The following NAALADL2 variants were observed in gnomAD, a reference collection of about 807,000 sequenced individuals.
NAALADL2 encodes N-acetylated alpha-linked acidic dipeptidase like 2, also known as inactive N-acetylated-alpha-linked acidic dipeptidase-like protein 2.
Under a neutral mutation model 87.2 loss-of-function variants are expected in NAALADL2, and 76 were observed. That is an observed-to-expected ratio of 0.87 (90% CI 0.72 to 1.05). The LOEUF (loss-of-function observed/expected upper bound fraction) is 1.05. NAALADL2 is among the 50% of genes least tolerant of loss of function. The pLI, the probability that NAALADL2 is intolerant of heterozygous loss-of-function variation, is 0.00. For synonymous variants in NAALADL2, 354 were observed against 331.0 expected, an observed-to-expected ratio of 1.07 and a Z score of -0.75; for missense variants, 1,089 against 945.8, an observed-to-expected ratio of 1.15 and a Z score of -1.99.
chr3:175,747,475 G>A (rs1429009498), intron 12 of NAALADL2, among the ~76,000 whole-genome samples: 2 of 152,012 alleles, frequency 1.3e-5, no homozygotes, highest in Non-Finnish European at 2.9e-5. Context: ...AAAACCCTGT[G>A]CCCATGACAG....
intron 12 of NAALADL2, among the ~76,000 whole-genome samples, chr3:175,740,839 A>T (rs1177509208): frequency 1.3e-5 from 2 of 152,108 alleles, no homozygotes; most frequent in Non-Finnish European, 2.9e-5. Context: ...TTTGATTTGC[A>T]CTGCGGACTC....
intron 1 of NAALADL2, among the ~76,000 whole-genome samples, chr3:174,963,272 T>C (rs1742382948): frequency 1.3e-5 from 2 of 152,136 alleles, no homozygotes; most frequent in Non-Finnish European, 2.9e-5. Context: ...CTGTGAAGAA[T>C]AATTCATGGT....
intron 11 of NAALADL2, among the ~76,000 whole-genome samples, chr3:175,691,701 T>G (rs1462270628): frequency 6.6e-6 from 1 of 152,086 alleles, no homozygotes; most frequent in Non-Finnish European, 1.5e-5. Context: ...ATGGCTTTAG[T>G]ATATCCACAT....
At chr3:175,118,230 C>A (rs1197360357) in intron 2 of NAALADL2, among the ~76,000 whole-genome samples, 3 of 151,792 alleles carry the variant, frequency 2.0e-5, no homozygotes, top group Non-Finnish European at 4.4e-5. Context: ...GCACGTTGTG[C>A]ACATGTACCC....
At chr3:175,078,191 A>ATT (rs1438373179) in intron 1 of NAALADL2, among the ~76,000 whole-genome samples, 1 of 151,842 alleles carries the variant, frequency 6.6e-6, no homozygotes, top group African/African-American at 2.4e-5. Context: ...TGCCTGGTTA[A>ATT]TTTTTGTATT....
intron 11 of NAALADL2, among the ~76,000 whole-genome samples, chr3:175,690,730 C>A (rs937325228): frequency 6.6e-6 from 1 of 151,930 alleles, no homozygotes; most frequent in Non-Finnish European, 1.5e-5. Flanking sequence ...ACCAAATTTT[C>A]TGGCAATTGA....
chr3:175,229,934 C>T (rs1056897464), intron 2 of NAALADL2, among the ~76,000 whole-genome samples: 1 of 151,738 alleles, frequency 6.6e-6, no homozygotes, highest in Non-Finnish European at 1.5e-5. Context: ...TATATTAAGA[C>T]CTATAATAAA....
At chr3:174,787,608 T>TACATATATATATATATATACACACAC (rs1284867078) in intron 3 of NAALADL2, among the ~76,000 whole-genome samples, 1 of 109,342 alleles carries the variant, frequency 9.1e-6, no homozygotes, top group African/African-American at 3.0e-5. Flanking sequence ...TATATATATA[T>TACATATATATATATATATACACACAC]ATATATATAT....
At chr3:175,718,723 C>A in intron 11 of NAALADL2, 1 of 1,293,526 alleles carries the variant, frequency 7.7e-7, no homozygotes, top group Non-Finnish European at 1.1e-6. Context: ...GCGTGGAGAT[C>A]AAGACCAACC....
At chr3:175,054,871 T>C (rs533585267) in intron 1 of NAALADL2, among the ~76,000 whole-genome samples, 10 of 152,324 alleles carry the variant, frequency 6.6e-5, no homozygotes, top group Middle Eastern at 3.4e-3. Context: ...ATTGTTGTAA[T>C]AAATCTCCCT....
chr3:175,119,811 A>ATG (rs1247541080), intron 2 of NAALADL2, among the ~76,000 whole-genome samples: 1 of 146,552 alleles, frequency 6.8e-6, no homozygotes, highest in Non-Finnish European at 1.5e-5. Flanking sequence ...ATGTATCTAT[A>ATG]TATAAAAGTA....
At chr3:175,802,557 T>C (rs1421040604) in intron 13 of NAALADL2, among the ~76,000 whole-genome samples, 1 of 147,264 alleles carries the variant, frequency 6.8e-6, no homozygotes, top group Non-Finnish European at 1.5e-5. Context: ...CTGCATTATA[T>C]ATTGTATTGC....
At chr3:174,888,432 A>G (rs1432977363) in intron 1 of NAALADL2, among the ~76,000 whole-genome samples, 1 of 152,234 alleles carries the variant, frequency 6.6e-6, no homozygotes, top group East Asian at 1.9e-4. Context: ...TGAATGTAGT[A>G]GTCTTCAGCT....
At chr3:174,682,494 A>G (rs1727640589) in intron 2 of NAALADL2, among the ~76,000 whole-genome samples, 1 of 152,178 alleles carries the variant, frequency 6.6e-6, no homozygotes, top group African/African-American at 2.4e-5. Context: ...GTGCAGTCCC[A>G]GTTGTGGTGG....
intron 5 of NAALADL2, among the ~76,000 whole-genome samples, chr3:175,411,898 T>G (rs1417057268): frequency 6.6e-6 from 1 of 152,088 alleles, no homozygotes. Flanking sequence ...GCTTGCAAGA[T>G]GCCAGAGCTT....
At chr3:174,786,463 A>T (rs867865665) in intron 3 of NAALADL2, among the ~76,000 whole-genome samples, 6,980 of 140,568 alleles carry the variant, frequency 0.05, 201 homozygotes, top group Middle Eastern at 0.098. Flanking sequence ...AAAAAAAAAA[A>T]AAATAATAAA....
At position 175,304,454 on chromosome 3, in the gene NAALADL2, C is replaced by A. The variant is rs1159523433; in HGVS notation, c.940-19721C>A. Among the ~76,000 whole-genome samples, 2 of 152,162 alleles carry A rather than the reference C, an allele frequency of 1.3e-5. 1 individual carries two copies. Among genetic ancestry groups the A allele is most frequent in the Non-Finnish European group, 2.9e-5 (2 of 68,038 alleles). ...AAGTCTGGCATGACTCTCTTCTTTG[C>A]AGATTTGGCTTTTATAATTGAGACA... On this transcript the variant is annotated intron_variant, in intron 4 of 13. Transcript: ENST00000454872.
intron 1 of NAALADL2, among the ~76,000 whole-genome samples, chr3:175,062,246 T>C (rs1713654972): frequency 6.6e-6 from 1 of 152,198 alleles, no homozygotes; most frequent in African/African-American, 2.4e-5. Flanking sequence ...TTAAACAATG[T>C]ACTTTTGCCA....
intron 9 of NAALADL2, among the ~76,000 whole-genome samples, chr3:175,478,561 T>C (rs942945792): frequency 2.6e-5 from 4 of 151,940 alleles, no homozygotes; most frequent in African/African-American, 9.7e-5. Flanking sequence ...ATTTATATAT[T>C]AGGACTATGT....
Sources: allele counts gnomAD v4.1 joint callset (sites outside exome capture counted in the v4.1 genomes callset), GRCh38; gene constraint gnomAD v4.1.1; transcripts MANE v1.5; gene names NCBI Gene and HGNC (gene_info 2026-07-23, HGNC 2026-07-21).